The following IKZF4 variants were observed in gnomAD, a reference collection of about 807,000 sequenced individuals.
IKZF4 encodes the protein zinc finger protein Eos.
In IKZF4, 11 loss-of-function variants were observed where a neutral mutation model predicts 47.7. That is an observed-to-expected ratio of 0.23 (90% CI 0.15 to 0.38). The LOEUF (loss-of-function observed/expected upper bound fraction) is 0.38. Among genes scored for constraint, IKZF4 ranks in the 10% least tolerant of loss-of-function variants. The pLI is 1.00. For synonymous variants in IKZF4, 298 were observed against 299.4 expected (o/e 1.00, Z 0.05); for missense variants, 557 against 784.9 (o/e 0.71, Z 3.47).
chr12:56,019,282 T>C (rs1892541386), upstream of IKZF4: 9 of 790,716 alleles, frequency 1.1e-5, no homozygotes, highest in Non-Finnish European at 1.4e-5. Context: ...AAGCACCATT[T>C]TGGAAATGAC....
chr12:56,014,070 G>C (rs967612317), intron 2 of IKZF4, among the ~76,000 whole-genome samples: 23 of 151,392 alleles, frequency 1.5e-4, no homozygotes, highest in Non-Finnish European at 2.9e-4. Context: ...AGAATCACTT[G>C]AACCCGGGAT....
chr12:56,023,218 A>G (rs1309479935), intron 1 of IKZF4, among the ~76,000 whole-genome samples: 2 of 152,136 alleles, frequency 1.3e-5, no homozygotes, highest in African/African-American at 4.8e-5. Flanking sequence ...CAACAAGTTC[A>G]CTCATCCTTT....
chr12:56,017,350 CTGAACCCTGAG>C (rs1218648805), upstream of IKZF4, among the ~76,000 whole-genome samples: 1 of 151,700 alleles, frequency 6.6e-6, no homozygotes, highest in African/African-American at 2.4e-5. Flanking sequence ...GGACTTATCA[CTGAACCCTGAG>C]TGGGCTGCTC....
At chr12:56,017,234 C>G (rs12814324), upstream of IKZF4, among the ~76,000 whole-genome samples, 13 of 134,770 alleles carry the variant, frequency 9.6e-5, no homozygotes, top group Admixed American at 9.0e-4. Context: ...CCCCCCCCGC[C>G]CCCCCCGTCC....
At position 56,038,252 on chromosome 12, in the gene IKZF4, C is replaced by G. The variant is rs567471138; in HGVS notation, c.*2921C>G. On this transcript the variant is annotated 3_prime_UTR_variant, in exon 8 of 8. Transcript: ENST00000547167. ...CTCTTCTTCTGATTCCCCTCCCCCC[C>G]TTTTTTAAAGAGTTTTTCTCCTTTC... The G allele has an allele frequency of 4.6e-5, 7 of 152,418 alleles. No individual in the cohort carries two copies. Among genetic ancestry groups the G allele is most frequent in the African/African-American group, 1.7e-4 (7 of 41,464 alleles). The allele number at this position is 152,418 out of a possible 1,614,324, so 9.4% of individuals were successfully genotyped here.
chr12:56,034,445 G>A (rs542324372), intron 7 of IKZF4, 126 bp from the exon 8 acceptor site: 10 of 975,772 alleles, frequency 1.0e-5, no homozygotes, highest in South Asian at 3.3e-5. Context: ...CTGACCCTGC[G>A]AAAGTAAATG....
chr12:56,032,766 T>C, intron 6 of IKZF4, 56 bp downstream of exon 6: 1 of 1,581,846 alleles, frequency 6.3e-7, no homozygotes, highest in Non-Finnish European at 8.7e-7. Context: ...GAGGGAGTGC[T>C]AGACAAGGGT....
At chr12:56,032,051 T>A (rs189224484) in intron 5 of IKZF4, among the ~76,000 whole-genome samples, 2 of 152,200 alleles carry the variant, frequency 1.3e-5, no homozygotes, top group East Asian at 3.9e-4. Context: ...CATTGGCAGA[T>A]CTAAGGGCTC....
At chr12:56,012,144 T>G (rs1316446752) in intron 2 of IKZF4, among the ~76,000 whole-genome samples, 1 of 152,174 alleles carries the variant, frequency 6.6e-6, no homozygotes, top group African/African-American at 2.4e-5. Context: ...CTGCCTGTTA[T>G]AGTTTGGGAA....
In IKZF4 at chr12:56,028,053, G is replaced by A. The variant is rs144717636; in HGVS notation, c.715+106G>A. ...GGGGAGTTCCAGTGTCTGTCATTGAGGAGGGGGGAGCATTTACAGAGCAGA... is the reference window on the plus strand; with the variant it reads ...GGGGAGTTCCAGTGTCTGTCATTGAAGAGGGGGGAGCATTTACAGAGCAGA... On this transcript the variant is annotated intron_variant, in intron 5 of 7. Transcript: ENST00000547167. 3.5e-4 allele frequency: 431 copies of A among 1,245,002 alleles called. No homozygotes were observed. The African/African-American group carries it at 5.7e-3, about 16-fold the overall frequency. 77.1% of individuals were successfully genotyped at this position (1,245,002 alleles called of 1,614,324 possible).
intron 2 of IKZF4, among the ~76,000 whole-genome samples, chr12:56,011,967 G>A (rs140005249): frequency 6.6e-6 from 1 of 152,108 alleles, no homozygotes; most frequent in Non-Finnish European, 1.5e-5. Flanking sequence ...ATTTCACTCA[G>A]TTCAGGAAGG....
In IKZF4 at chr12:56,037,832, T is replaced by C. The variant is rs1565842059; in HGVS notation, c.*2501T>C. On this transcript the variant is annotated 3_prime_UTR_variant, in exon 8 of 8. Transcript: ENST00000547167. ...CCTCATGCTCTCTCCCAGCTCCTTT[T>C]GCATAAAAAAAAAAGTAAAGAAAAA... The C allele has an allele frequency of 6.6e-6, 1 of 151,390 alleles. No individual in the cohort carries two copies. Among genetic ancestry groups the C allele is most frequent in the Non-Finnish European group, 1.5e-5 (1 of 67,884 alleles). The allele number at this position is 151,390 out of a possible 1,614,324, so 9.4% of individuals were successfully genotyped here.
chr12:56,032,715 G>A lies in IKZF4; in HGVS notation c.865+5G>A. ...AAGCTTTGGCTGGCCAACCAGGTAG[G>A]GCTATTGATGTACTACTGGGGAGTT... On this transcript the variant is annotated splice_donor_5th_base_variant and intron_variant, in intron 6 of 7. Transcript: ENST00000547167. 6.2e-7 allele frequency: 1 copy of A among 1,613,992 alleles called. No individual in the cohort carries two copies.
intron 1 of IKZF4, chr12:56,011,254 C>T (rs1014768571): frequency 6.6e-6 from 1 of 152,128 alleles, no homozygotes; most frequent in African/African-American, 2.4e-5. Context: ...GGGGTACACC[C>T]AAAAACCCCA....
At position 56,026,980 on chromosome 12, in the gene IKZF4, C is replaced by T. The variant is rs762527567; in HGVS notation, c.486C>T (p.Asp162=). 1.2e-5 allele frequency: 20 copies of T among 1,608,720 alleles called. No individual in the cohort carries two copies. Among genetic ancestry groups the T allele is most frequent in the Middle Eastern group, 1.7e-4 (1 of 6,054 alleles). ...TGCCCAATGGCAAGCTCAAGTGTGA[C>T]GTCTGCGGCATGGTCTGTATTGGAC... ...IRLPNGKLKC[D]VCGMVCIGPN... The change falls in exon 4 of 8, where the codon GAC becomes GAT. Residue 162 remains aspartate, a synonymous_variant. Coordinates refer to ENST00000547167, the MANE Select transcript of IKZF4 (RefSeq NM_022465.4).
intron 2 of IKZF4, 139 bp from the exon 3 acceptor site, chr12:56,024,915 C>G: frequency 6.6e-6 from 10 of 1,513,460 alleles, no homozygotes; most frequent in Non-Finnish European, 8.8e-6. Flanking sequence ...GGTATGGTGC[C>G]CAGCATACAA....
At chr12:56,034,443 G>T in intron 7 of IKZF4, 128 bp from the exon 8 acceptor site, 1 of 935,826 alleles carries the variant, frequency 1.1e-6, no homozygotes. Context: ...ACCTGACCCT[G>T]CGAAAGTAAA....
At chr12:56,025,214 C>T (rs1044640290) in intron 3 of IKZF4, 56 bp downstream of exon 3, 18 of 1,466,416 alleles carry the variant, frequency 1.2e-5, no homozygotes, top group Non-Finnish European at 1.4e-5. Context: ...TGCATTTGGC[C>T]TTCAATTCAC....
At chr12:56,008,966 C>T (rs1211606559) in intron 1 of IKZF4, among the ~76,000 whole-genome samples, 2 of 152,122 alleles carry the variant, frequency 1.3e-5, no homozygotes, top group East Asian at 1.9e-4. Context: ...CATGAGCCAC[C>T]GTGCCTGGCC....
Sources: gnomAD v4.1 joint callset for allele counts (sites outside exome capture counted in the v4.1 genomes callset) on GRCh38, gnomAD v4.1.1 for gene constraint, MANE v1.5 for transcripts, NCBI Gene and HGNC (gene_info 2026-07-23, HGNC 2026-07-21) for gene names.